The following B4GALT7 variants were observed in gnomAD, a reference collection of about 807,000 sequenced individuals.
B4GALT7 encodes beta-1,4-galactosyltransferase 7.
B4GALT7 carries 30 observed loss-of-function variants against 33.0 expected under a neutral mutation model. The observed-to-expected ratio is 0.91, with a 90% CI of 0.68 to 1.23. The LOEUF is 1.23. B4GALT7 is among the 50% of genes most tolerant of loss of function. B4GALT7 has a pLI of 0.00. For synonymous variants in B4GALT7, 213 were observed against 187.2 expected (o/e 1.14, Z -1.13); for missense variants, 507 against 450.8 (o/e 1.12, Z -1.13).
rs1334448878 is a variant in B4GALT7, at chr5:177,604,590, G to C, written c.413+49G>C. ...CCCTCGGCACCCCTGCCCGGGCTCA[G>C]GCTTCTCAGGCCCTGTGAGAGGCCA... On this transcript the variant is annotated intron_variant, in intron 2 of 5. Coordinates refer to ENST00000029410, the MANE Select transcript of B4GALT7 (RefSeq NM_007255.3). 8.7e-6 allele frequency: 14 copies of C among 1,611,514 alleles called. No individual in the cohort carries two copies. The East Asian group carries it at 2.9e-4, about 33-fold the overall frequency.
intron 3 of B4GALT7, 32 bp downstream of exon 3, chr5:177,607,559 C>T (rs1271185042): frequency 6.3e-7 from 1 of 1,589,254 alleles, no homozygotes. Context: ...CTGCTCAGAG[C>T]CGGGAGCTCC....
intron 1 of B4GALT7, among the ~76,000 whole-genome samples, chr5:177,601,826 G>C (rs1268173441): frequency 2.6e-5 from 4 of 152,140 alleles, no homozygotes; most frequent in Admixed American, 2.6e-4. Flanking sequence ...AATTGTTCTC[G>C]GTGTCCACTG....
chr5:177,609,826 G>A lies in B4GALT7; in HGVS notation c.*131G>A, dbSNP rs1042253987. ...GACCAAGACAGCAAGCTACGCAATT[G>A]CAGCCACCCGGCCGCCAAGGCAGGC... On this transcript the variant is annotated 3_prime_UTR_variant, in exon 6 of 6. Coordinates refer to ENST00000029410, the MANE Select transcript of B4GALT7 (RefSeq NM_007255.3). 2.1e-5 allele frequency: 27 copies of A among 1,283,260 alleles called. No homozygotes were observed. The African/African-American group carries it at 2.4e-4, about 11-fold the overall frequency. 79.5% of individuals were successfully genotyped at this position (1,283,260 alleles called of 1,614,324 possible).
intron 1 of B4GALT7, among the ~76,000 whole-genome samples, chr5:177,602,209 T>TG (rs1366337660): frequency 6.6e-6 from 1 of 152,010 alleles, no homozygotes. Context: ...TCAGAAGCCC[T>TG]GGGGGGTTTC....
intron 3 of B4GALT7, 102 bp downstream of exon 3, chr5:177,607,629 C>A (rs1203878644): frequency 2.5e-6 from 3 of 1,179,020 alleles, no homozygotes; most frequent in African/African-American, 3.0e-5. Context: ...GCAGATGGAG[C>A]CCTGCCCTGG....
At position 177,604,484 on chromosome 5, in the gene B4GALT7, T is replaced by G. The variant is rs1272484534; in HGVS notation, c.356T>G (p.Leu119Arg). The G allele has an allele frequency of 6.2e-7, 1 of 1,613,904 alleles. No homozygotes were observed. The highest frequency in any genetic ancestry group is 1.7e-5 in the Admixed American group (1 of 60,006). The change falls in exon 2 of 6, where the codon CTG becomes CGG. Residue 119 changes from leucine (L) to arginine (R), a missense_variant. By Grantham distance (102) the Leu-to-Arg change is moderately radical. Coordinates refer to ENST00000029410, the MANE Select transcript of B4GALT7 (RefSeq NM_007255.3). ...TTCGTGCCCCACATGCGCCGCTTCCTGAGCAGGAAGAAGATCCGGCACCAC... is the reference window on the plus strand; with the variant it reads ...TTCGTGCCCCACATGCGCCGCTTCCGGAGCAGGAAGAAGATCCGGCACCAC... ...LVFVPHMRRF[L>R]SRKKIRHHIY... is the part of the protein sequence containing the mutation.
At chr5:177,609,477 G>A in intron 5 of B4GALT7, 63 bp from the exon 6 acceptor site, 1 of 1,596,532 alleles carries the variant, frequency 6.3e-7, no homozygotes, top group Non-Finnish European at 8.6e-7. Context: ...GTTGTGTGGG[G>A]TCAGTGGGTA....
intron 1 of B4GALT7, chr5:177,602,751 T>C: frequency 1.2e-6 from 1 of 858,598 alleles, no homozygotes; most frequent in Non-Finnish European, 1.4e-6. Context: ...GCTTTGACTG[T>C]CAGGCCAAAG....
In B4GALT7 at chr5:177,604,295, A is replaced by G. The variant is rs761181492; in HGVS notation, c.167A>G (p.Asp56Gly). The change falls in exon 2 of 6, where the codon GAC (aspartate) becomes GGC (glycine). Residue 56 changes from aspartate to glycine, a missense_variant. Coordinates refer to ENST00000029410, the MANE Select transcript of B4GALT7 (RefSeq NM_007255.3). ...TGGCTGCAGCTCAGCTGCTCTGGGG[A>G]CGTGGCCCGGGCAGTCAGGGGACAA... ...LLWLQLSCSG[D>G]VARAVRGQGQ... is the part of the protein sequence containing the mutation. 6.2e-7 allele frequency: 1 copy of G among 1,611,796 alleles called. No individual in the cohort carries two copies. Among genetic ancestry groups the G allele is most frequent in the African/African-American group, 1.3e-5 (1 of 74,782 alleles).
chr5:177,607,710 T>G, intron 3 of B4GALT7, 183 bp downstream of exon 3: 1 of 641,676 alleles, frequency 1.6e-6, no homozygotes, highest in East Asian at 2.7e-5. Context: ...GCAGCAGAAC[T>G]GCTTGCACGG....
rs1256261364 is a variant in B4GALT7, at chr5:177,607,083, G to T, written c.414-219G>T. 7 of 617,774 alleles carry T rather than the reference G, an allele frequency of 1.1e-5. No individual in the cohort carries two copies. The Admixed American group carries it at 1.7e-4, about 15-fold the overall frequency. 38.3% of individuals were successfully genotyped at this position (617,774 alleles called of 1,614,324 possible). A position where few individuals can be genotyped will look rare whatever the true frequency, so the allele number is the denominator to read the frequency against. ...TCTCAGTTCCTTGAGAACAGGGCCT[G>T]GTTTTTCACTGCTGTACCTCCCGTG... On this transcript the variant is annotated intron_variant, in intron 2 of 5. Coordinates refer to ENST00000029410, the MANE Select transcript of B4GALT7 (RefSeq NM_007255.3).
chr5:177,608,758 G>A lies in B4GALT7; in HGVS notation c.723+136G>A. The A allele has an allele frequency of 9.0e-7, 1 of 1,115,598 alleles. No individual in the cohort carries two copies. Among genetic ancestry groups the A allele is most frequent in the Non-Finnish European group, 1.3e-6 (1 of 750,124 alleles). The allele number at this position is 1,115,598 out of a possible 1,614,324, so 69.1% of individuals were successfully genotyped here. On this transcript the variant is annotated intron_variant, in intron 4 of 5. Transcript: ENST00000029410. The surrounding 1 kb of genome is among the most constrained non-coding windows in gnomAD (Gnocchi z 4.1). ...CCCTGCCCTAACCCTGCCCTGCATG[G>A]TCATCTAGCCAGTTCCTTGCCCTGT...
intron 1 of B4GALT7, chr5:177,603,276 G>A (rs1325902854): frequency 7.1e-6 from 7 of 985,278 alleles, no homozygotes; most frequent in Non-Finnish European, 8.4e-6. Context: ...AAGGTAGGGG[G>A]AGTACAGAGG....
chr5:177,609,601 G>C lies in B4GALT7; in HGVS notation c.890G>C (p.Arg297Pro), dbSNP rs374994284. Residue 297 changes from arginine to proline, a missense_variant, in exon 6 of 6, where the codon CGC (arginine) becomes CCC (proline). Arg to Pro is a moderately radical substitution (Grantham distance 103). Transcript: ENST00000029410. ...LNTVKYHVAS[R>P]TALSVGGAPC... ...ACTGTGAAGTACCATGTGGCTTCCC[G>C]CACTGCCCTGTCTGTGGGCGGGGCC... is the stretch of plus-strand genomic sequence containing the variant. 6.2e-7 allele frequency: 1 copy of C among 1,613,942 alleles called. No homozygotes were observed. The highest frequency in any genetic ancestry group is 1.1e-5 in the South Asian group (1 of 91,068).
intron 2 of B4GALT7, among the ~76,000 whole-genome samples, chr5:177,605,531 G>T (rs1340309312): frequency 1.3e-5 from 2 of 152,216 alleles, no homozygotes; most frequent in Non-Finnish European, 2.9e-5. Context: ...AAATGGAAGA[G>T]AACTTTCCCC....
At chr5:177,607,712 C>G (rs1191709702) in intron 3 of B4GALT7, 185 bp downstream of exon 3, 2 of 638,338 alleles carry the variant, frequency 3.1e-6, no homozygotes, top group Non-Finnish European at 5.5e-6. Context: ...AGCAGAACTG[C>G]TTGCACGGGG....
chr5:177,607,256 G>A (rs1384105610), intron 2 of B4GALT7, 46 bp from the exon 3 acceptor site: 3 of 1,531,260 alleles, frequency 2.0e-6, no homozygotes, highest in South Asian at 1.2e-5. Flanking sequence ...GCCCCAGGCA[G>A]TGAGCCCGTG....
In B4GALT7 at chr5:177,606,840, C is replaced by T; in HGVS notation, c.414-462C>T. Reference sequence around the variant, plus strand: ...CCGTGGCAGTGCCATCTCTCCTATGCAGAGCCCTAGGCACCCACTGCCCTG... The same window carrying T: ...CCGTGGCAGTGCCATCTCTCCTATGTAGAGCCCTAGGCACCCACTGCCCTG... On this transcript the variant is annotated intron_variant, in intron 2 of 5. Transcript: ENST00000029410. The surrounding 1 kb of genome is among the most constrained non-coding windows in gnomAD (Gnocchi z 4.2). 3.2e-6 allele frequency: 1 copy of T among 311,916 alleles called. No individual in the cohort carries two copies. The highest frequency in any genetic ancestry group is 2.2e-5 in the African/African-American group (1 of 46,404). 19.3% of individuals were successfully genotyped at this position (311,916 alleles called of 1,614,324 possible). A position where few individuals can be genotyped will look rare whatever the true frequency, so the allele number is the denominator to read the frequency against.
chr5:177,607,561 G>C (rs747876530), intron 3 of B4GALT7, 34 bp downstream of exon 3: 3 of 1,585,126 alleles, frequency 1.9e-6, no homozygotes, highest in Non-Finnish European at 2.6e-6. Flanking sequence ...GCTCAGAGCC[G>C]GGAGCTCCCT....
Sources: allele counts gnomAD v4.1 joint callset (sites outside exome capture counted in the v4.1 genomes callset), GRCh38; gene constraint gnomAD v4.1.1; non-coding constraint Gnocchi (gnomAD v3.1); transcripts MANE v1.5; gene names NCBI Gene and HGNC (gene_info 2026-07-23, HGNC 2026-07-21).